The following SLC10A7 variants were observed in gnomAD, a reference collection of about 807,000 sequenced individuals.
The protein encoded by SLC10A7 is solute carrier family 10 member 7, also known as sodium/bile acid cotransporter 7.
In SLC10A7, 29 loss-of-function variants were observed where a neutral mutation model predicts 43.2. The ratio of observed to expected loss-of-function variants is 0.67; its 90% confidence interval spans 0.50 to 0.92. The LOEUF is 0.92. Ranked by LOEUF, SLC10A7 falls within the 40% of genes least tolerant of loss-of-function variation. The pLI, the probability that SLC10A7 is intolerant of heterozygous loss-of-function variation, is 0.00. For synonymous variants in SLC10A7, 152 were observed against 144.8 expected, an observed-to-expected ratio of 1.05 and a Z score of -0.35; for missense variants, 295 against 403.2, an observed-to-expected ratio of 0.73 and a Z score of 2.30.
At chr4:146,513,711 A>G (rs1737687934) in intron 2 of SLC10A7, among the ~76,000 whole-genome samples, 2 of 152,228 alleles carry the variant, frequency 1.3e-5, no homozygotes, top group Non-Finnish European at 2.9e-5. Flanking sequence ...CAAGACTTTC[A>G]CAAAATCCCA....
intron 6 of SLC10A7, among the ~76,000 whole-genome samples, chr4:146,310,971 G>A (rs1161053419): frequency 6.7e-6 from 1 of 149,358 alleles, no homozygotes; most frequent in Non-Finnish European, 1.5e-5. Flanking sequence ...TGGGGGGAGG[G>A]GGATGAGGGG....
At position 146,351,403 on chromosome 4, in the gene SLC10A7, G is replaced by A. The variant is rs181313180; in HGVS notation, c.436-25407C>T. Among the ~76,000 whole-genome samples the A allele has an allele frequency of 4.8e-3, 737 of 152,222 alleles. 4 individuals carry two copies. The highest frequency in any genetic ancestry group is 5.9e-3 in the Non-Finnish European group (399 of 68,028). On this transcript the variant is annotated intron_variant, in intron 5 of 11. Coordinates refer to ENST00000335472, the MANE Select transcript of SLC10A7 (RefSeq NM_001029998.6). ...TATGTGAAAAGGTACACCAATCTACGTCTGATTGGTGTACCTGAAAGTGAT... is the reference window on the plus strand; with the variant it reads ...TATGTGAAAAGGTACACCAATCTACATCTGATTGGTGTACCTGAAAGTGAT...
In SLC10A7 at chr4:146,509,897, A is replaced by G. The variant is rs771356264; in HGVS notation, c.320+16T>C. 1.7e-5 allele frequency: 28 copies of G among 1,603,896 alleles called. No homozygotes were observed. In the South Asian group the frequency reaches 3.2e-4, roughly 18 times the overall value. ...CCCCATTAAAAGTGGACCCACTTTT[A>G]AAGATTTAAACATACCCTTTTAAAA... On this transcript the variant is annotated intron_variant, in intron 3 of 11. Transcript: ENST00000335472.
At chr4:146,350,402 T>C (rs778069371) in intron 5 of SLC10A7, among the ~76,000 whole-genome samples, 2 of 141,626 alleles carry the variant, frequency 1.4e-5, no homozygotes. Context: ...ATCTCGCTGA[T>C]TGCTAGCACA....
At chr4:146,405,187 T>C (rs1195751045) in intron 5 of SLC10A7, among the ~76,000 whole-genome samples, 1 of 152,188 alleles carries the variant, frequency 6.6e-6, no homozygotes, top group Non-Finnish European at 1.5e-5. Context: ...TTTAAGAAAG[T>C]TTCCAGAATG....
intron 10 of SLC10A7, among the ~76,000 whole-genome samples, chr4:146,270,322 T>C (rs1728816740): frequency 6.6e-6 from 1 of 152,232 alleles, no homozygotes; most frequent in African/African-American, 2.4e-5. Flanking sequence ...CTCTTCTGAA[T>C]ATTTAACATA....
At chr4:146,514,926 C>A in intron 2 of SLC10A7, 1 of 547,288 alleles carries the variant, frequency 1.8e-6, no homozygotes, top group Non-Finnish European at 3.2e-6. Context: ...TTGAAAAGGG[C>A]TTTTGATGGA....
At chr4:146,332,367 T>G (rs1414520150) in intron 5 of SLC10A7, among the ~76,000 whole-genome samples, 2 of 152,170 alleles carry the variant, frequency 1.3e-5, no homozygotes, top group Non-Finnish European at 2.9e-5. Flanking sequence ...CCATATCTCA[T>G]GTTGAGTTGT....
intron 7 of SLC10A7, among the ~76,000 whole-genome samples, chr4:146,296,453 T>C (rs1250460308): frequency 6.6e-6 from 1 of 152,142 alleles, no homozygotes; most frequent in East Asian, 1.9e-4. Context: ...TAGGACTCCC[T>C]CAGTATGGCA....
intron 5 of SLC10A7, among the ~76,000 whole-genome samples, chr4:146,374,617 C>T (rs866243553): frequency 8.0e-4 from 73 of 91,330 alleles, no homozygotes; most frequent in Middle Eastern, 4.7e-3. Flanking sequence ...TATATATACA[C>T]ATACACACAC....
intron 10 of SLC10A7, among the ~76,000 whole-genome samples, chr4:146,281,435 G>T (rs1284501733): frequency 1.4e-5 from 2 of 139,736 alleles, no homozygotes; most frequent in African/African-American, 5.2e-5. Context: ...CTTCAAAATA[G>T]AAAAAAAAAA....
At chr4:146,443,174 TA>T (rs1240812346) in intron 4 of SLC10A7, among the ~76,000 whole-genome samples, 2 of 151,894 alleles carry the variant, frequency 1.3e-5, no homozygotes, top group Non-Finnish European at 2.9e-5. Flanking sequence ...TTTATTTGTT[TA>T]AAAATGTATA....
chr4:146,483,217 G>A (rs1274221805), intron 4 of SLC10A7, among the ~76,000 whole-genome samples: 2 of 152,114 alleles, frequency 1.3e-5, no homozygotes, highest in African/African-American at 4.8e-5. Flanking sequence ...GTGATGGTGT[G>A]TAAATCATAC....
rs1171432838 is a variant in SLC10A7 at position 146,521,686 on chromosome 4, C to A, written c.32G>T (p.Trp11Leu). 6.2e-7 allele frequency: 1 copy of A among 1,614,184 alleles called. No homozygotes were observed. Residue 11 changes from tryptophan (W) to leucine (L), a missense_variant, in exon 1 of 12, where the codon TGG (tryptophan) becomes TTG (leucine). By Grantham distance (61) the Trp-to-Leu change is moderately conservative. Transcript: ENST00000335472. ...CGCCAGCACTATTCCGACCATGAAC[C>A]AGTCTTTCCTCATTCTCTCCAGCAG... is the stretch of plus-strand genomic sequence containing the variant. MRLLERMRKD[W>L]FMVGIVLAIA...
chr4:146,365,284 C>T (rs1422743529), intron 5 of SLC10A7, among the ~76,000 whole-genome samples: 3 of 152,132 alleles, frequency 2.0e-5, no homozygotes, highest in South Asian at 2.1e-4. Context: ...AGTAATACTA[C>T]AAATATTTGC....
intron 4 of SLC10A7, among the ~76,000 whole-genome samples, chr4:146,497,734 A>G (rs1372435781): frequency 6.6e-6 from 1 of 152,208 alleles, no homozygotes; most frequent in African/African-American, 2.4e-5. Context: ...CAACAATACT[A>G]TGAAAACCAC....
At chr4:146,497,872 C>G (rs981217068) in intron 4 of SLC10A7, among the ~76,000 whole-genome samples, 3 of 151,518 alleles carry the variant, frequency 2.0e-5, no homozygotes, top group Non-Finnish European at 4.4e-5. Flanking sequence ...CAAGGATTCT[C>G]TTAGCAAGTC....
rs1400764581 is a variant in SLC10A7 at position 146,509,995 on chromosome 4, TA to T, written c.237del (p.Phe79LeufsTer27). On this transcript the variant is annotated frameshift_variant, in exon 3 of 12. Transcript: ENST00000335472. LOFTEE classifies it high-confidence loss of function. ...ATTGTTGCTGGGAAGAATGCAAGAGTAAAGATCTGAATAAAAAGATGCAGTT... is the reference window on the plus strand; with the variant it reads ...ATTGTTGCTGGGAAGAATGCAAGAGTAAGATCTGAATAAAAAGATGCAGTT... ...HLKLHLFIQI[F>X]TLAFFPATIW... is the part of the protein sequence containing the mutation. 1 of 1,613,484 alleles carries T rather than the reference TA, an allele frequency of 6.2e-7. No individual in the cohort carries two copies. The highest frequency in any genetic ancestry group is 1.1e-5 in the South Asian group (1 of 91,012).
chr4:146,338,415 G>T (rs1463758740), intron 5 of SLC10A7, among the ~76,000 whole-genome samples: 1 of 151,890 alleles, frequency 6.6e-6, no homozygotes, highest in Non-Finnish European at 1.5e-5. Context: ...ACAAGGAATT[G>T]TTCAGAATTC....
Sources: allele counts gnomAD v4.1 joint callset (sites outside exome capture counted in the v4.1 genomes callset), GRCh38; gene constraint gnomAD v4.1.1; transcripts MANE v1.5; gene names NCBI Gene and HGNC (gene_info 2026-07-23, HGNC 2026-07-21).